KIAA1217: variants seen among roughly 807,000 people sequenced by gnomAD.
KIAA1217 encodes KIAA1217.
A neutral mutation model predicts 163.9 loss-of-function variants in KIAA1217; 88 were observed. The ratio of observed to expected loss-of-function variants is 0.54; its 90% CI spans 0.45 to 0.64. KIAA1217 has a LOEUF of 0.64. Ranked by LOEUF, KIAA1217 falls within the 30% of genes least tolerant of loss-of-function variation. The pLI, the probability that KIAA1217 is intolerant of heterozygous loss-of-function variation, is 0.00. For missense variants in KIAA1217, 2,372 were observed against 2,475.0 expected (o/e 0.96, Z 0.88); for synonymous variants, 903 against 923.1 (o/e 0.98, Z 0.39).
chr10:24,520,403 AC>A, intron 11 of KIAA1217, 150 bp downstream of exon 11: 1 of 1,080,874 alleles, frequency 9.3e-7, no homozygotes, highest in Non-Finnish European at 1.3e-6. Flanking sequence ...GGGATACCCC[AC>A]AGCACAAAGT....
chr10:23,746,741 C>T (rs569778404), intron 1 of KIAA1217, among the ~76,000 whole-genome samples: 6 of 152,068 alleles, frequency 3.9e-5, no homozygotes, highest in South Asian at 4.2e-4. Flanking sequence ...TTTATAGCAA[C>T]GTGAATGGAC....
At chr10:24,443,077 A>G (rs2060632709) in intron 5 of KIAA1217, among the ~76,000 whole-genome samples, 1 of 151,852 alleles carries the variant, frequency 6.6e-6, no homozygotes, top group Non-Finnish European at 1.5e-5. Flanking sequence ...TACCTGGCTA[A>G]TTTTTGTATT....
At chr10:24,190,307 A>G (rs932975170) in intron 2 of KIAA1217, among the ~76,000 whole-genome samples, 3 of 152,158 alleles carry the variant, frequency 2.0e-5, no homozygotes, top group South Asian at 2.1e-4. Flanking sequence ...TTTTGGGGTA[A>G]CATGTTTTGC....
intron 1 of KIAA1217, among the ~76,000 whole-genome samples, chr10:23,908,444 C>T (rs566692600): frequency 1.1e-4 from 16 of 152,210 alleles, no homozygotes; most frequent in Admixed American, 7.2e-4. Context: ...ACTGCTCTTT[C>T]TCTGCTTCTT....
At position 24,547,056 on chromosome 10, in the gene KIAA1217, C is replaced by CTTTTTTTT. The variant is rs11411265; in HGVS notation, c.*741_*748dup. The CTTTTTTTT allele has an allele frequency of 1.6e-5, 2 of 127,946 alleles. No individual in the cohort carries two copies. The highest frequency in any genetic ancestry group is 3.2e-5 in the Non-Finnish European group (2 of 62,538). 7.9% of individuals were successfully genotyped at this position (127,946 alleles called of 1,614,324 possible). A position where few individuals can be genotyped will look rare whatever the true frequency, so the allele number is the denominator to read the frequency against. On this transcript the variant is annotated 3_prime_UTR_variant, in exon 21 of 21. Coordinates refer to ENST00000376454, the MANE Select transcript of KIAA1217 (RefSeq NM_019590.5). The stretch of plus-strand genomic sequence containing the variant: ...GCTTCTTTTCTTTCTTTTTTCCTTC[C>CTTTTTTTT]TTTTTTTTTTTTTTTTCTTTTTTAA...
chr10:24,008,156 A>T (rs902395960), intron 2 of KIAA1217, among the ~76,000 whole-genome samples: 2 of 140,612 alleles, frequency 1.4e-5, no homozygotes, highest in Admixed American at 1.5e-4. Flanking sequence ...GAAGGTAGGA[A>T]ATTAGATAGA....
In KIAA1217 at chr10:24,195,965, C is replaced by G. The variant is rs114992064; in HGVS notation, c.-170-23661C>G. 5.5e-3 allele frequency among the ~76,000 whole-genome samples: 827 copies of G among 150,598 alleles called. 6 individuals are homozygous for G. Among genetic ancestry groups the G allele is most frequent in the African/African-American group, 0.02 (788 of 40,098 alleles). On this transcript the variant is annotated intron_variant, in intron 2 of 18. Transcript: ENST00000376462. ...GCAGCACAGCAAGATTCCATGTCTA[C>G]AGAAATTTTTTTTTACATAATTATC...
At chr10:24,179,755 A>T (rs1192258033) in intron 2 of KIAA1217, among the ~76,000 whole-genome samples, 1 of 151,840 alleles carries the variant, frequency 6.6e-6, no homozygotes, top group Non-Finnish European at 1.5e-5. Context: ...CATCCGGCTA[A>T]TTTTTTGTAT....
intron 2 of KIAA1217, among the ~76,000 whole-genome samples, chr10:24,175,496 A>G (rs918736864): frequency 4.0e-5 from 6 of 151,840 alleles, no homozygotes; most frequent in African/African-American, 1.5e-4. Flanking sequence ...AGTTACTTCA[A>G]TTAGAATTAT....
chr10:23,934,563 A>ATATATATATATATATATATG, intron 1 of KIAA1217, among the ~76,000 whole-genome samples: 2 of 44,330 alleles, frequency 4.5e-5, no homozygotes, highest in East Asian at 8.1e-4. Context: ...TAAAGTATAT[A>ATATATATATATATATATATG]TATATATATA....
At chr10:23,788,000 C>T (rs1292075052) in intron 1 of KIAA1217, among the ~76,000 whole-genome samples, 1 of 151,992 alleles carries the variant, frequency 6.6e-6, no homozygotes, top group East Asian at 1.9e-4. Flanking sequence ...TTCAGGCCAG[C>T]TTGGGCAACA....
Position 24,360,040 on chromosome 10 carries a change from C to CATTTTTTTT in KIAA1217, c.355-20829_355-20828insATTTTTTTT, listed in dbSNP as rs55881849. Among the ~76,000 whole-genome samples the CATTTTTTTT allele has an allele frequency of 5.0e-4, 47 of 94,280 alleles. 7 individuals carry two copies. The highest frequency in any genetic ancestry group is 4.3e-4 in the Admixed American group (3 of 6,926). 61.9% of individuals were successfully genotyped at this position (94,280 alleles called of 152,430 possible). ...ACTGTGTATCTTTAGGATATAATTACTTTTTTTTTTTTTTTTTTTTTTTTG... is the reference window on the plus strand; with the variant it reads ...ACTGTGTATCTTTAGGATATAATTACATTTTTTTTTTTTTTTTTTTTTTTTTTTTTTTTG... On this transcript the variant is annotated intron_variant, in intron 2 of 20. Transcript: ENST00000376454.
At chr10:24,136,513 A>AAG (rs112082307) in intron 2 of KIAA1217, among the ~76,000 whole-genome samples, 3,082 of 150,598 alleles carry the variant, frequency 0.02, 93 homozygotes, top group African/African-American at 0.069. Context: ...GCTACTTTAA[A>AAG]AGAGAGAGAG....
chr10:24,295,833 C>G (rs1210260444), intron 2 of KIAA1217, among the ~76,000 whole-genome samples: 1 of 152,220 alleles, frequency 6.6e-6, no homozygotes, highest in Admixed American at 6.5e-5. Flanking sequence ...CATGCTACCA[C>G]TCCTGAGCCA....
intron 2 of KIAA1217, among the ~76,000 whole-genome samples, chr10:24,322,782 A>G (rs2044344287): frequency 1.3e-5 from 2 of 152,130 alleles, no homozygotes; most frequent in South Asian, 4.2e-4. Context: ...GTGGACACCC[A>G]TCTGCTAGGA....
intron 13 of KIAA1217, among the ~76,000 whole-genome samples, chr10:24,526,335 A>G (rs139584991): frequency 2.6e-5 from 4 of 152,304 alleles, no homozygotes; most frequent in African/African-American, 7.2e-5. Flanking sequence ...AAAAACGCAT[A>G]TCACAAGGGT....
chr10:24,305,737 T>C (rs2132848482), intron 2 of KIAA1217, among the ~76,000 whole-genome samples: 1 of 152,238 alleles, frequency 6.6e-6, no homozygotes, highest in East Asian at 1.9e-4. Context: ...GAGGAGCAGG[T>C]GGGATTAGGT....
chr10:23,736,123 G>A (rs1838782515), intron 1 of KIAA1217, among the ~76,000 whole-genome samples: 1 of 147,104 alleles, frequency 6.8e-6, no homozygotes, highest in Non-Finnish European at 1.5e-5. Context: ...TTTTAAGGTA[G>A]TCAAATGTAT....
At chr10:24,120,196 T>C in intron 2 of KIAA1217, among the ~76,000 whole-genome samples, 1 of 152,208 alleles carries the variant, frequency 6.6e-6, no homozygotes, top group Middle Eastern at 3.2e-3. Context: ...GACCTATAGA[T>C]GTCCTTTAAA....
Sources: gnomAD v4.1 joint callset for allele counts (sites outside exome capture counted in the v4.1 genomes callset) on GRCh38, gnomAD v4.1.1 for gene constraint, MANE v1.5 for transcripts, NCBI Gene and HGNC (gene_info 2026-07-23, HGNC 2026-07-21) for gene names.